PKHD1: variants seen among roughly 807,000 people sequenced by gnomAD.
PKHD1 encodes fibrocystin.
In PKHD1, 291 loss-of-function variants were observed where a neutral mutation model predicts 412.0. The observed-to-expected ratio is 0.71, with a 90% CI of 0.64 to 0.78. The LOEUF (loss-of-function observed/expected upper bound fraction) is 0.78. Ranked by LOEUF, PKHD1 falls within the 30% of genes least tolerant of loss-of-function variation. PKHD1 has a pLI of 0.00. For synonymous variants in PKHD1, 1,777 were observed against 1,821.5 expected (o/e 0.98, Z 0.62); for missense variants, 4,825 against 4,950.7 (o/e 0.97, Z 0.76).
chr6:51,941,271 C>T (rs1357582957), intron 36 of PKHD1, among the ~76,000 whole-genome samples: 12 of 94,076 alleles, frequency 1.3e-4, no homozygotes, highest in African/African-American at 2.5e-4. Flanking sequence ...TTTTTTGAGA[C>T]GGAGTCTCGC....
chr6:51,944,026 A>C (rs1365433121), intron 36 of PKHD1, among the ~76,000 whole-genome samples: 3 of 152,126 alleles, frequency 2.0e-5, no homozygotes, highest in African/African-American at 7.2e-5. Flanking sequence ...ATCCCCTGTG[A>C]CCTGCACGTA....
chr6:52,008,720 G>C (rs1799407009), intron 35 of PKHD1, among the ~76,000 whole-genome samples: 1 of 152,148 alleles, frequency 6.6e-6, no homozygotes, highest in Non-Finnish European at 1.5e-5. Flanking sequence ...GCAGCTCTCA[G>C]TGGCGCACAC....
At chr6:51,809,080 C>T (rs1165603607) in intron 52 of PKHD1, among the ~76,000 whole-genome samples, 1 of 152,046 alleles carries the variant, frequency 6.6e-6, no homozygotes, top group African/African-American at 2.4e-5. Flanking sequence ...AACTAATACT[C>T]AAAGATACAA....
intron 66 of PKHD1, among the ~76,000 whole-genome samples, chr6:51,620,805 T>A (rs1395008996): frequency 1.3e-5 from 2 of 148,386 alleles, no homozygotes; most frequent in Non-Finnish European, 3.0e-5. Context: ...TATATGTATA[T>A]ATATATATAT....
At chr6:51,861,480 C>T (rs1481111758) in intron 48 of PKHD1, among the ~76,000 whole-genome samples, 1 of 152,186 alleles carries the variant, frequency 6.6e-6, no homozygotes, top group Non-Finnish European at 1.5e-5. Flanking sequence ...AATACCTAAC[C>T]TCAAATTGTG....
chr6:52,006,404 T>C (rs1581705838), intron 35 of PKHD1, among the ~76,000 whole-genome samples: 1 of 151,402 alleles, frequency 6.6e-6, no homozygotes, highest in African/African-American at 2.4e-5. Flanking sequence ...TGAGATGGAG[T>C]CTTGCTCTGT....
intron 60 of PKHD1, among the ~76,000 whole-genome samples, chr6:51,667,987 C>G (rs376554245): frequency 2.0e-5 from 3 of 152,084 alleles, no homozygotes. Context: ...CGTGATGCCT[C>G]CAGCTTTGTT....
chr6:52,082,375 T>C lies in PKHD1; in HGVS notation c.281+17A>G, dbSNP rs776665144. On this transcript the variant is annotated intron_variant, in intron 4 of 66. Transcript: ENST00000371117. ...TCCCTCATCCTGTCTGGTCTTCCTA[T>C]TCCCAGACAGGTATACCTGGTCCGG... The C allele has an allele frequency of 1.9e-5, 30 of 1,612,628 alleles. No homozygotes were observed. Among genetic ancestry groups the C allele is most frequent in the Non-Finnish European group, 1.4e-5 (16 of 1,178,772 alleles).
chr6:51,919,433 G>T (rs964080143), intron 37 of PKHD1, among the ~76,000 whole-genome samples: 2 of 152,116 alleles, frequency 1.3e-5, no homozygotes, highest in Non-Finnish European at 2.9e-5. Flanking sequence ...AAGATCAGAT[G>T]GTTGTAGATG....
At chr6:51,633,288 A>G (rs1768146016) in intron 64 of PKHD1, among the ~76,000 whole-genome samples, 1 of 152,156 alleles carries the variant, frequency 6.6e-6, no homozygotes, top group Non-Finnish European at 1.5e-5. Context: ...TCAACTCTGT[A>G]AGAATTCATC....
At chr6:51,926,874 T>C (rs1175124035) in intron 37 of PKHD1, among the ~76,000 whole-genome samples, 2 of 152,220 alleles carry the variant, frequency 1.3e-5, no homozygotes, top group Admixed American at 1.3e-4. Flanking sequence ...TTAGAGGACA[T>C]AGAGCCAAGG....
chr6:51,766,980 T>C (rs1284741590), intron 55 of PKHD1, among the ~76,000 whole-genome samples: 1 of 152,132 alleles, frequency 6.6e-6, no homozygotes, highest in Non-Finnish European at 1.5e-5. Context: ...AATAATTTTA[T>C]GGTTTTAACT....
In PKHD1 at chr6:51,778,971, A is replaced by G. The variant is rs1040162512; in HGVS notation, c.8441-3050T>C. 2.0e-5 allele frequency among the ~76,000 whole-genome samples: 3 copies of G among 152,222 alleles called. No homozygotes were observed. In the East Asian group the frequency reaches 5.8e-4, roughly 30 times the overall value. ...TCAAAACTTGGCTCCACCGTAATTT[A>G]TTCCTAAAAGCCTTCTATGATCTTG... On this transcript the variant is annotated intron_variant, in intron 53 of 66. Transcript: ENST00000371117.
Position 52,024,693 on chromosome 6 carries a change from A to T in PKHD1, c.5117T>A (p.Val1706Asp), listed in dbSNP as rs772440842. ...SGNHTVLQCVVPSLPAGEYHV... is the reference protein window; with the variant it reads ...SGNHTVLQCVDPSLPAGEYHV... The stretch of plus-strand genomic sequence containing the variant: ...GTACTCCCCGGCCGGAAGGGAAGGG[A>T]CCACGCACTGAAGAACGGTGTGGTT... The change falls in exon 32 of 67, where the codon GTC becomes GAC. Residue 1706 changes from valine (V) to aspartate (D), a missense_variant. Val to Asp is a radical substitution (Grantham distance 152, BLOSUM62 -3). Transcript: ENST00000371117. The T allele has an allele frequency of 1.2e-6, 2 of 1,614,216 alleles. No individual in the cohort carries two copies. The highest frequency in any genetic ancestry group is 4.5e-5 in the East Asian group (2 of 44,882).
intron 60 of PKHD1, chr6:51,722,170 C>T: frequency 7.4e-7 from 1 of 1,346,086 alleles, no homozygotes; most frequent in Non-Finnish European, 1.0e-6. Flanking sequence ...CTCATGCCCG[C>T]CCTCAGTGTG....
intron 52 of PKHD1, among the ~76,000 whole-genome samples, chr6:51,814,867 T>G (rs557335243): frequency 3.9e-4 from 59 of 152,268 alleles, no homozygotes; most frequent in African/African-American, 1.4e-3. Context: ...ACCCCCTCCT[T>G]GCATCTTCTT....
At chr6:51,744,621 TTGTTTAAA>T in intron 59 of PKHD1, 79 bp from the exon 60 acceptor site, 4 of 1,061,062 alleles carry the variant, frequency 3.8e-6, no homozygotes, top group African/African-American at 1.6e-5. Flanking sequence ...AGTGCTAATG[TTGTTTAAA>T]ATAAATTCAA....
chr6:51,792,962 G>C (rs1793996167), intron 52 of PKHD1, among the ~76,000 whole-genome samples: 1 of 152,190 alleles, frequency 6.6e-6, no homozygotes, highest in South Asian at 2.1e-4. Flanking sequence ...TCCTCAGTGT[G>C]ATTATGACTT....
chr6:51,690,348 C>T (rs955134031), intron 60 of PKHD1, among the ~76,000 whole-genome samples: 3 of 148,856 alleles, frequency 2.0e-5, no homozygotes, highest in South Asian at 2.1e-4. Flanking sequence ...AAAAAGAGAT[C>T]GAATAGCCAA....
Sources: allele counts gnomAD v4.1 joint callset (sites outside exome capture counted in the v4.1 genomes callset), GRCh38; gene constraint gnomAD v4.1.1; transcripts MANE v1.5; gene names NCBI Gene and HGNC (gene_info 2026-07-23, HGNC 2026-07-21).